TSPAN18: variants seen among roughly 807,000 people sequenced by gnomAD.
The protein encoded by TSPAN18 is tetraspanin 18, also known as tetraspanin-18.
In TSPAN18, 14 loss-of-function variants were observed where a neutral mutation model predicts 27.3. The ratio of observed to expected loss-of-function variants is 0.51; its 90% CI spans 0.34 to 0.80. The LOEUF is 0.80. TSPAN18 is among the 30% of genes least tolerant of loss of function. TSPAN18 has a pLI of 0.01. For missense variants in TSPAN18, 268 were observed against 323.9 expected (o/e 0.83, Z 1.32); for synonymous variants, 143 against 136.5 (o/e 1.05, Z -0.33).
chr11:44,924,867 A>G (rs1172055746), intron 8 of TSPAN18, among the ~76,000 whole-genome samples: 2 of 152,252 alleles, frequency 1.3e-5, no homozygotes, highest in South Asian at 2.1e-4. Context: ...CGTTGTGCAC[A>G]TGTACCCTAG....
intron 2 of TSPAN18, among the ~76,000 whole-genome samples, chr11:44,822,174 A>G (rs1032955472): frequency 6.6e-6 from 1 of 152,170 alleles, no homozygotes. Context: ...GGAGGCATTC[A>G]GTAAATAGTT....
chr11:44,766,759 C>G (rs1470293553), intron 2 of TSPAN18, among the ~76,000 whole-genome samples: 2 of 152,298 alleles, frequency 1.3e-5, no homozygotes, highest in East Asian at 3.9e-4. Context: ...AAGCAACAGG[C>G]AGAGAGGCAT....
At chr11:44,867,802 C>G (rs776761025) in intron 3 of TSPAN18, among the ~76,000 whole-genome samples, 1 of 152,114 alleles carries the variant, frequency 6.6e-6, no homozygotes, top group African/African-American at 2.4e-5. Context: ...TGGGGCATGA[C>G]AGAGCAGAAG....
At chr11:44,727,766 C>T (rs1854552185) in intron 1 of TSPAN18, among the ~76,000 whole-genome samples, 1 of 152,122 alleles carries the variant, frequency 6.6e-6, no homozygotes, top group Non-Finnish European at 1.5e-5. Flanking sequence ...GGAGGGCGGG[C>T]TGCCTTTGGG....
intron 2 of TSPAN18, among the ~76,000 whole-genome samples, chr11:44,799,387 T>C (rs779308777): frequency 1.3e-5 from 2 of 152,198 alleles, no homozygotes; most frequent in Non-Finnish European, 2.9e-5. Context: ...CACGACACCA[T>C]GCCAACCTCG....
Position 44,847,620 on chromosome 11 carries a change from C to T in TSPAN18, c.-152-12708C>T, listed in dbSNP as rs114425463. ...TGTGTACCAGTATTTGTTTGACTCC[C>T]TGACTTCAGTCCTCTTGAGTGTAGA... is the stretch of plus-strand genomic sequence containing the variant. On this transcript the variant is annotated intron_variant, in intron 2 of 9. Coordinates refer to ENST00000520358, the MANE Select transcript of TSPAN18 (RefSeq NM_130783.5). Among the ~76,000 whole-genome samples the T allele has an allele frequency of 2.0e-3, 307 of 152,304 alleles. 2 individuals are homozygous for T. Among genetic ancestry groups the T allele is most frequent in the African/African-American group, 6.9e-3 (287 of 41,574 alleles).
chr11:44,753,665 G>T (rs1480147305), intron 1 of TSPAN18, among the ~76,000 whole-genome samples: 1 of 152,200 alleles, frequency 6.6e-6, no homozygotes, highest in African/African-American at 2.4e-5. Flanking sequence ...ATCGTCCCAA[G>T]CATCTATTAT....
At chr11:44,805,049 G>T (rs1428176514) in intron 2 of TSPAN18, among the ~76,000 whole-genome samples, 2 of 152,196 alleles carry the variant, frequency 1.3e-5, no homozygotes, top group South Asian at 4.1e-4. Context: ...TTGGTTGGGG[G>T]AATCAGGAGT....
intron 2 of TSPAN18, among the ~76,000 whole-genome samples, chr11:44,841,474 C>T (rs1280621355): frequency 1.3e-5 from 2 of 151,156 alleles, no homozygotes; most frequent in African/African-American, 4.9e-5. Context: ...TGAGATTGCA[C>T]CACTGCACTC....
At chr11:44,869,608 G>T (rs544881741) in intron 3 of TSPAN18, among the ~76,000 whole-genome samples, 21 of 152,328 alleles carry the variant, frequency 1.4e-4, no homozygotes, top group African/African-American at 4.6e-4. Flanking sequence ...GGATGTGATT[G>T]GTGCTGCCCC....
chr11:44,931,004 T>C lies in TSPAN18; in HGVS notation c.*1826T>C, dbSNP rs764019473. On this transcript the variant is annotated 3_prime_UTR_variant, in exon 10 of 10. Coordinates refer to ENST00000520358, the MANE Select transcript of TSPAN18 (RefSeq NM_130783.5). Reference sequence around the variant, plus strand: ...CCTGGCCTGTGCGTCTGCCCCCTTCTGAGATGCAGCCAGAAGCTCTGTGCC... The same window carrying C: ...CCTGGCCTGTGCGTCTGCCCCCTTCCGAGATGCAGCCAGAAGCTCTGTGCC... 2.1e-6 allele frequency: 1 copy of C among 467,276 alleles called. No individual in the cohort carries two copies. The highest frequency in any genetic ancestry group is 2.3e-5 in the Admixed American group (1 of 42,720). The allele number at this position is 467,276 out of a possible 1,614,324, so 28.9% of individuals were successfully genotyped here.
chr11:44,813,464 G>A (rs1454637528), intron 2 of TSPAN18, among the ~76,000 whole-genome samples: 2 of 152,184 alleles, frequency 1.3e-5, no homozygotes, highest in Admixed American at 6.5e-5. Context: ...CTCAGCACAC[G>A]GTGGTTATGA....
chr11:44,823,992 C>T (rs1054353113), intron 2 of TSPAN18, among the ~76,000 whole-genome samples: 1 of 152,180 alleles, frequency 6.6e-6, no homozygotes, highest in Non-Finnish European at 1.5e-5. Flanking sequence ...ACTAGAGTCC[C>T]GTGCTGTAGC....
chr11:44,790,575 C>T (rs1292008787), intron 2 of TSPAN18, among the ~76,000 whole-genome samples: 2 of 103,620 alleles, frequency 1.9e-5, no homozygotes, highest in South Asian at 3.3e-4. Flanking sequence ...TGTGTGTGTG[C>T]ATGTGTGTGC....
intron 2 of TSPAN18, among the ~76,000 whole-genome samples, chr11:44,783,049 G>A (rs1855975523): frequency 6.6e-6 from 1 of 151,842 alleles, no homozygotes; most frequent in African/African-American, 2.4e-5. Flanking sequence ...GGCTGGTCTC[G>A]AACTCCTGGC....
chr11:44,734,012 C>T (rs4755280), intron 1 of TSPAN18, among the ~76,000 whole-genome samples: 135,428 of 152,138 alleles, frequency 0.89, 60,911 homozygotes, highest in Non-Finnish European at 0.96. Flanking sequence ...GGTGCCCTTC[C>T]TCAAGTGAAT....
At chr11:44,822,762 C>A (rs1315432055) in intron 2 of TSPAN18, among the ~76,000 whole-genome samples, 1 of 152,066 alleles carries the variant, frequency 6.6e-6, no homozygotes, top group East Asian at 1.9e-4. Context: ...AAATGTCAGA[C>A]CCCAAATGAA....
chr11:44,810,103 T>C (rs1856681302), intron 2 of TSPAN18, among the ~76,000 whole-genome samples: 1 of 152,218 alleles, frequency 6.6e-6, no homozygotes, highest in African/African-American at 2.4e-5. Context: ...CTCAGGCTTT[T>C]CTTGCATCTT....
intron 3 of TSPAN18, among the ~76,000 whole-genome samples, chr11:44,885,495 C>T (rs1858618390): frequency 1.3e-5 from 2 of 152,060 alleles, no homozygotes; most frequent in South Asian, 2.1e-4. Context: ...GTGACCGGTC[C>T]TCTGTGGAAG....
Sources: gnomAD v4.1 joint callset for allele counts (sites outside exome capture counted in the v4.1 genomes callset) on GRCh38, gnomAD v4.1.1 for gene constraint, MANE v1.5 for transcripts, NCBI Gene and HGNC (gene_info 2026-07-23, HGNC 2026-07-21) for gene names.